The following GLP2R variants were observed in gnomAD, a reference collection of about 807,000 sequenced individuals.
GLP2R encodes glucagon-like peptide 2 receptor.
In GLP2R, 59 loss-of-function variants were observed where a neutral mutation model predicts 68.2. The observed-to-expected ratio is 0.87, with a 90% CI of 0.70 to 1.07. GLP2R has a LOEUF of 1.07. GLP2R is among the 50% of genes least tolerant of loss of function. GLP2R has a pLI of 0.00. For synonymous variants in GLP2R, 270 were observed against 265.4 expected (o/e 1.02, Z -0.17); for missense variants, 548 against 677.4 (o/e 0.81, Z 2.12).
chr17:9,826,327 C>T, intron 1 of GLP2R, 75 bp downstream of exon 1: 3 of 999,840 alleles, frequency 3.0e-6, no homozygotes, highest in Non-Finnish European at 4.2e-6. Flanking sequence ...ATTTAGGCCT[C>T]ATGTAAGCAA....
chr17:9,856,191 C>T (rs1001767001), intron 5 of GLP2R, among the ~76,000 whole-genome samples: 2 of 152,148 alleles, frequency 1.3e-5, no homozygotes, highest in African/African-American at 4.8e-5. Context: ...TATCTGTGAC[C>T]TCCTTCCTTC....
chr17:9,846,993 T>C (rs7218549), intron 4 of GLP2R, among the ~76,000 whole-genome samples: 40,180 of 152,134 alleles, frequency 0.26, 7,644 homozygotes, highest in African/African-American at 0.54. Context: ...CTGCTTCCAC[T>C]CCTGAAGAAA....
rs1203941156 is a variant in GLP2R, at chr17:9,826,235, CTGG to C, written c.174_176del (p.Val59del). On this transcript the variant is annotated inframe_deletion, in exon 1 of 13. Coordinates refer to ENST00000262441, the MANE Select transcript of GLP2R (RefSeq NM_004246.3). ...GAGGCCCTTCCTCACTCTGGTCCTG[CTGG>C]TTTCCATCAAGCAAGTAAGAGCAGT... 3 of 1,597,924 alleles carry C rather than the reference CTGG, an allele frequency of 1.9e-6. No individual in the cohort carries two copies. The highest frequency in any genetic ancestry group is 2.6e-6 in the Non-Finnish European group (3 of 1,174,754).
intron 6 of GLP2R, among the ~76,000 whole-genome samples, chr17:9,859,156 AATATTTTCTTT>A (rs2066961101): frequency 6.6e-6 from 1 of 152,166 alleles, no homozygotes; most frequent in South Asian, 2.1e-4. Context: ...AAGTTCATGC[AATATTTTCTTT>A]ACATTCAGTT....
rs10624268 is a variant in GLP2R, at chr17:9,841,018, AT to A, written c.383-1461del. Among the ~76,000 whole-genome samples the A allele has an allele frequency of 1.8e-3, 248 of 138,936 alleles. 1 individual carries two copies. The highest frequency in any genetic ancestry group is 4.8e-3 in the African/African-American group (178 of 36,946). 91.1% of individuals were successfully genotyped at this position (138,936 alleles called of 152,430 possible). A position where few individuals can be genotyped will look rare whatever the true frequency, so the allele number is the denominator to read the frequency against. On this transcript the variant is annotated intron_variant, in intron 3 of 12. Coordinates refer to ENST00000262441, the MANE Select transcript of GLP2R (RefSeq NM_004246.3). ...AGAGAAGCATGACATGGTGTGGCTA[AT>A]TTTTTTTTTTTTTTTGAGACAGAGT...
chr17:9,877,108 G>A (rs1375410751), intron 10 of GLP2R, among the ~76,000 whole-genome samples: 1 of 152,226 alleles, frequency 6.6e-6, no homozygotes, highest in Non-Finnish European at 1.5e-5. Flanking sequence ...TACTCTTCCT[G>A]TGTCCTGCTG....
In GLP2R at chr17:9,864,486, T is replaced by TTTTG. The variant is rs371335549; in HGVS notation, c.1056+2424_1056+2427dup. Among the ~76,000 whole-genome samples, 137 of 150,032 alleles carry TTTTG rather than the reference T, an allele frequency of 9.1e-4. 2 individuals carry two copies. Among genetic ancestry groups the TTTTG allele is most frequent in the South Asian group, 3.1e-3 (15 of 4,776 alleles). On this transcript the variant is annotated intron_variant, in intron 9 of 12. Coordinates refer to ENST00000262441, the MANE Select transcript of GLP2R (RefSeq NM_004246.3). Reference sequence around the variant, plus strand: ...CTAGGCACTGTAGTTTTTTCTGTTTTTTTGTTTGTTTGTTTGTTTGTTTGT... The same window carrying TTTTG: ...CTAGGCACTGTAGTTTTTTCTGTTTTTTTGTTTGTTTGTTTGTTTGTTTGTTTGT...
intron 10 of GLP2R, among the ~76,000 whole-genome samples, chr17:9,873,939 C>G (rs1236048132): frequency 2.0e-5 from 3 of 152,070 alleles, no homozygotes; most frequent in African/African-American, 7.2e-5. Context: ...TTTCCAGAGT[C>G]CCCTCTAGAG....
At chr17:9,849,770 G>A (rs756183886) in intron 4 of GLP2R, among the ~76,000 whole-genome samples, 3 of 151,640 alleles carry the variant, frequency 2.0e-5, no homozygotes, top group Admixed American at 2.0e-4. Flanking sequence ...CCGCCACCAC[G>A]CTCGGCTAAT....
chr17:9,836,609 A>T (rs904635564), intron 3 of GLP2R, 134 bp downstream of exon 3: 1 of 587,788 alleles, frequency 1.7e-6, no homozygotes, highest in African/African-American at 1.9e-5. Context: ...TGGATGTTCC[A>T]TTTATTTTTA....
chr17:9,839,685 G>T (rs935430684), intron 3 of GLP2R, among the ~76,000 whole-genome samples: 2 of 152,066 alleles, frequency 1.3e-5, no homozygotes, highest in African/African-American at 4.8e-5. Context: ...CCTACAAATG[G>T]CATGCAAGAC....
At chr17:9,836,994 C>G (rs2066737752) in intron 3 of GLP2R, among the ~76,000 whole-genome samples, 1 of 152,008 alleles carries the variant, frequency 6.6e-6, no homozygotes, top group African/African-American at 2.4e-5. Flanking sequence ...TGACTACAGG[C>G]ACCCACCCCC....
intron 9 of GLP2R, chr17:9,867,025 T>C (rs912894164): frequency 3.3e-5 from 5 of 152,250 alleles, no homozygotes; most frequent in African/African-American, 1.2e-4. Context: ...CCCCCACATA[T>C]GTTCTACTTA....
chr17:9,860,476 G>C (rs1009971445), intron 7 of GLP2R, among the ~76,000 whole-genome samples: 19 of 152,178 alleles, frequency 1.2e-4, no homozygotes, highest in Non-Finnish European at 2.1e-4. Context: ...CACCATGGTT[G>C]GGTTCTGGTG....
chr17:9,847,492 A>T (rs1183666825), intron 4 of GLP2R, among the ~76,000 whole-genome samples: 1 of 152,060 alleles, frequency 6.6e-6, no homozygotes, highest in Non-Finnish European at 1.5e-5. Context: ...CTGGTCTCGA[A>T]TGCCTGACCT....
At chr17:9,875,868 G>A (rs2067138405) in intron 10 of GLP2R, among the ~76,000 whole-genome samples, 1 of 152,136 alleles carries the variant, frequency 6.6e-6, no homozygotes, top group South Asian at 2.1e-4. Context: ...TAAAGGAGAA[G>A]CATTTCATTT....
At chr17:9,884,622 T>G (rs1277169111) in intron 11 of GLP2R, among the ~76,000 whole-genome samples, 2 of 152,164 alleles carry the variant, frequency 1.3e-5, no homozygotes, top group South Asian at 2.1e-4. Context: ...GTCCGCCCAC[T>G]GCATGCTCAC....
At chr17:9,841,181 TAA>T (rs2066783120) in intron 3 of GLP2R, among the ~76,000 whole-genome samples, 1 of 99,296 alleles carries the variant, frequency 1.0e-5, no homozygotes, top group Non-Finnish European at 2.4e-5. Context: ...CATGCCTAGC[TAA>T]TTTTTTTTTT....
chr17:9,879,009 A>G (rs1043282331), intron 10 of GLP2R, among the ~76,000 whole-genome samples: 3 of 152,094 alleles, frequency 2.0e-5, no homozygotes, highest in African/African-American at 7.2e-5. Context: ...TACCCCGAAT[A>G]TGAGTCATCT....
Sources: allele counts gnomAD v4.1 joint callset (sites outside exome capture counted in the v4.1 genomes callset), GRCh38; gene constraint gnomAD v4.1.1; transcripts MANE v1.5; gene names NCBI Gene and HGNC (gene_info 2026-07-23, HGNC 2026-07-21).